Variants in SLC29A3 observed in about 807,000 individuals in gnomAD.
SLC29A3 encodes solute carrier family 29 member 3.
In SLC29A3, 18 loss-of-function variants were observed where a neutral mutation model predicts 25.4. The ratio of observed to expected loss-of-function variants is 0.71; its 90% confidence interval spans 0.49 to 1.05. The LOEUF (loss-of-function observed/expected upper bound fraction) is 1.05. SLC29A3 is among the 50% of genes least tolerant of loss of function. The probability of loss-of-function intolerance (pLI) is 0.00; values close to 1 mark genes in which losing one functional copy is unlikely to be tolerated. For missense variants in SLC29A3, 586 were observed against 609.0 expected, an observed-to-expected ratio of 0.96 and a Z score of 0.40; for synonymous variants, 258 against 267.1, an observed-to-expected ratio of 0.97 and a Z score of 0.33.
At chr10:71,363,763 G>A (rs1019874521), downstream of SLC29A3, among the ~76,000 whole-genome samples, 3 of 147,794 alleles carry the variant, frequency 2.0e-5, no homozygotes, top group Non-Finnish European at 4.5e-5. Context: ...GTGAGCCACT[G>A]TGCCCAGCCT....
At chr10:71,340,251 C>T (rs1589229646) in intron 2 of SLC29A3, among the ~76,000 whole-genome samples, 1 of 152,198 alleles carries the variant, frequency 6.6e-6, no homozygotes, top group South Asian at 2.1e-4. Flanking sequence ...TCTATAAGGC[C>T]CACATTGACC....
chr10:71,342,829 A>G (rs1846447126), intron 2 of SLC29A3, among the ~76,000 whole-genome samples: 1 of 152,206 alleles, frequency 6.6e-6, no homozygotes, highest in Non-Finnish European at 1.5e-5. Flanking sequence ...TGGTTGACGG[A>G]CCTCACTAGC....
intron 2 of SLC29A3, among the ~76,000 whole-genome samples, chr10:71,340,936 G>A (rs1846387735): frequency 6.6e-6 from 1 of 152,192 alleles, no homozygotes; most frequent in Non-Finnish European, 1.5e-5. Flanking sequence ...GACACAGAGA[G>A]CAAACACAAT....
intron 3 of SLC29A3, chr10:71,375,648 A>T (rs1847246113): frequency 6.6e-6 from 1 of 152,250 alleles, no homozygotes; most frequent in Admixed American, 6.5e-5. Context: ...CACTTTAAAA[A>T]AAATGCAGGT....
intron 3 of SLC29A3, among the ~76,000 whole-genome samples, chr10:71,345,664 C>A (rs2249989): frequency 4.1e-5 from 6 of 145,098 alleles, no homozygotes; most frequent in Non-Finnish European, 7.5e-5. Flanking sequence ...CTTCACAGGC[C>A]TCACTCCTGC....
chr10:71,354,556 C>T (rs756325061), intron 4 of SLC29A3, among the ~76,000 whole-genome samples: 4 of 152,178 alleles, frequency 2.6e-5, no homozygotes, highest in East Asian at 1.9e-4. Context: ...GCACGGTGGA[C>T]GGGGCCTGAC....
At chr10:71,324,228 A>G (rs1845916587) in intron 2 of SLC29A3, among the ~76,000 whole-genome samples, 1 of 152,234 alleles carries the variant, frequency 6.6e-6, no homozygotes, top group African/African-American at 2.4e-5. Context: ...TGCTGAAAGC[A>G]GGCCCAGGAC....
chr10:71,331,302 G>A (rs929797242), intron 2 of SLC29A3, among the ~76,000 whole-genome samples: 7 of 152,132 alleles, frequency 4.6e-5, no homozygotes, highest in African/African-American at 1.4e-4. Context: ...CGTGGAGGAT[G>A]GGGGGAGAGA....
At chr10:71,328,393 C>T (rs1164523299) in intron 2 of SLC29A3, among the ~76,000 whole-genome samples, 4 of 152,326 alleles carry the variant, frequency 2.6e-5, no homozygotes, top group East Asian at 3.9e-4. Flanking sequence ...TTCCCCATCA[C>T]GTTCCTGCCC....
At position 71,362,211 on chromosome 10, in the gene SLC29A3, A is replaced by G. The variant is rs1307457378; in HGVS notation, c.1031A>G (p.Lys344Arg). The change falls in exon 6 of 6, where the codon AAG (lysine) becomes AGG (arginine). Residue 344 changes from lysine (K) to arginine (R), a missense_variant. By Grantham distance (26) the Lys-to-Arg change is conservative (BLOSUM62 2). Transcript: ENST00000373189. ...NKGSGSLWTT[K>R]FFIPLTTFLL... ...GGTTCGGGCTCACTGTGGACCACCAAGTTTTTCATCCCCCTCACTACCTTC... is the reference window on the plus strand; with the variant it reads ...GGTTCGGGCTCACTGTGGACCACCAGGTTTTTCATCCCCCTCACTACCTTC... 1 of 1,613,898 alleles carries G rather than the reference A, an allele frequency of 6.2e-7. No homozygotes were observed. The highest frequency in any genetic ancestry group is 8.5e-7 in the Non-Finnish European group (1 of 1,180,004).
chr10:71,333,775 G>A (rs956542486), intron 2 of SLC29A3, among the ~76,000 whole-genome samples: 2 of 152,238 alleles, frequency 1.3e-5, no homozygotes, highest in Non-Finnish European at 2.9e-5. Context: ...GCTGGCCCGA[G>A]CATCAGCAGT....
chr10:71,331,421 A>G (rs2131808287), intron 2 of SLC29A3, among the ~76,000 whole-genome samples: 1 of 152,292 alleles, frequency 6.6e-6, no homozygotes, highest in South Asian at 2.1e-4. Flanking sequence ...CTGTTCTTTT[A>G]TTTTTAATAC....
intron 5 of SLC29A3, among the ~76,000 whole-genome samples, chr10:71,360,470 A>G (rs1214243105): frequency 2.0e-5 from 3 of 152,188 alleles, no homozygotes; most frequent in Non-Finnish European, 4.4e-5. Flanking sequence ...ATAAACAAGT[A>G]AACCAATGCA....
chr10:71,348,506 A>G (rs1846657833), intron 3 of SLC29A3, among the ~76,000 whole-genome samples: 1 of 152,232 alleles, frequency 6.6e-6, no homozygotes, highest in Non-Finnish European at 1.5e-5. Context: ...CTCAGGCTCC[A>G]TGCCCTGCTG....
intron 2 of SLC29A3, among the ~76,000 whole-genome samples, chr10:71,343,455 C>T (rs1011060132): frequency 6.6e-6 from 1 of 152,184 alleles, no homozygotes; most frequent in African/African-American, 2.4e-5. Context: ...TTGTCACACC[C>T]CTGAGCTGCT....
At chr10:71,331,171 C>G (rs1358250144) in intron 2 of SLC29A3, among the ~76,000 whole-genome samples, 1 of 152,176 alleles carries the variant, frequency 6.6e-6, no homozygotes, top group Non-Finnish European at 1.5e-5. Flanking sequence ...ACTGCAGTTT[C>G]AAGGAGGAGC....
At chr10:71,366,141 A>G (rs1847168858), downstream of SLC29A3, 1 of 152,126 alleles carries the variant, frequency 6.6e-6, no homozygotes, top group Non-Finnish European at 1.5e-5. Flanking sequence ...GGTGCCTGCC[A>G]CCACACGTAG....
chr10:71,377,585 T>C (rs1180136777), intron 4 of SLC29A3, among the ~76,000 whole-genome samples: 1 of 151,988 alleles, frequency 6.6e-6, no homozygotes, highest in Non-Finnish European at 1.5e-5. Flanking sequence ...GGACGCCCAG[T>C]AGAGGGAGCG....
intron 3 of SLC29A3, 144 bp from the exon 4 acceptor site, chr10:71,351,418 A>G (rs1271518897): frequency 8.9e-6 from 6 of 672,648 alleles, no homozygotes; most frequent in African/African-American, 1.8e-5. Context: ...CCGGGAAGGC[A>G]GGATTCGAGT....
Sources: gnomAD v4.1 joint callset for allele counts (sites outside exome capture counted in the v4.1 genomes callset) on GRCh38, gnomAD v4.1.1 for gene constraint, MANE v1.5 for transcripts, NCBI Gene and HGNC (gene_info 2026-07-23, HGNC 2026-07-21) for gene names.